Variants in KPNB1 observed in about 807,000 individuals in gnomAD.
The protein encoded by KPNB1 is karyopherin subunit beta 1, also known as importin subunit beta-1.
A neutral mutation model predicts 113.0 loss-of-function variants in KPNB1; 7 were observed. The observed-to-expected ratio is 0.06, with a 90% CI of 0.04 to 0.12. The LOEUF (loss-of-function observed/expected upper bound fraction) is 0.12. Ranked by LOEUF, KPNB1 falls within the 10% of genes least tolerant of loss-of-function variation. KPNB1 has a pLI of 1.00. For missense variants in KPNB1, 400 were observed against 1,054.8 expected (o/e 0.38, Z 8.60); for synonymous variants, 363 against 378.6 (o/e 0.96, Z 0.48).
intron 10 of KPNB1, among the ~76,000 whole-genome samples, chr17:47,669,432 G>C (rs1035097179): frequency 6.6e-6 from 1 of 152,138 alleles, no homozygotes; most frequent in Non-Finnish European, 1.5e-5. Context: ...GCCTCTATCT[G>C]AGTAATTTAT....
chr17:47,654,436 AATTAG>A (rs1489665681), intron 3 of KPNB1, among the ~76,000 whole-genome samples: 2 of 151,712 alleles, frequency 1.3e-5, no homozygotes, highest in African/African-American at 4.8e-5. Context: ...AAAAAAAAAA[AATTAG>A]ATAATTTGTA....
intron 9 of KPNB1, among the ~76,000 whole-genome samples, chr17:47,666,584 T>C (rs1040845229): frequency 1.4e-5 from 2 of 144,514 alleles, no homozygotes; most frequent in Non-Finnish European, 3.0e-5. Context: ...TTATATGTAC[T>C]ACATATTATA....
intron 2 of KPNB1, among the ~76,000 whole-genome samples, chr17:47,652,253 AAC>A (rs1210800243): frequency 8.5e-5 from 13 of 152,178 alleles, no homozygotes; most frequent in Admixed American, 2.6e-4. Context: ...AATTTAGATA[AAC>A]AGTTTTATTT....
rs1333201997 is a variant in KPNB1, at chr17:47,650,574, T to TC, written c.99+138dup. ...ATCCCGTCCCCCTCCCCCCTCCCCC[T>TC]CCCCCCCCAACCCGGTCCAACCTAA... On this transcript the variant is annotated intron_variant, in intron 2 of 21. Coordinates refer to ENST00000290158, the MANE Select transcript of KPNB1 (RefSeq NM_002265.6). The TC allele has an allele frequency of 7.9e-4, 395 of 502,822 alleles. 1 individual carries two copies. The highest frequency in any genetic ancestry group is 5.1e-3 in the Middle Eastern group (10 of 1,962). The allele number at this position is 502,822 out of a possible 1,614,324, so 31.1% of individuals were successfully genotyped here.
chr17:47,674,933 C>T, intron 15 of KPNB1, 151 bp downstream of exon 15: 2 of 707,350 alleles, frequency 2.8e-6, no homozygotes, highest in South Asian at 3.9e-5. Context: ...CCTTCCACTT[C>T]AGTGCCCCCA....
chr17:47,650,127 G>GC lies in KPNB1; in HGVS notation c.-112dup, dbSNP rs1224356493. 5.3e-4 allele frequency: 365 copies of GC among 690,644 alleles called. No homozygotes were observed. Among genetic ancestry groups the GC allele is most frequent in the South Asian group, 3.9e-3 (92 of 23,564 alleles). The allele number at this position is 690,644 out of a possible 1,614,324, so 42.8% of individuals were successfully genotyped here. On this transcript the variant is annotated 5_prime_UTR_variant, in exon 1 of 22. Coordinates refer to ENST00000290158, the MANE Select transcript of KPNB1 (RefSeq NM_002265.6). The stretch of plus-strand genomic sequence containing the variant: ...GGTGAATGGGTTTGTGGTGACCCCC[G>GC]CCCCCCACCCCACCCTCCCTTCCCA...
intron 3 of KPNB1, 53 bp from the exon 4 acceptor site, chr17:47,656,807 T>G: frequency 1.3e-6 from 2 of 1,563,902 alleles, no homozygotes; most frequent in South Asian, 2.2e-5. Context: ...GTGGGCAAAA[T>G]GTGGTCAAAT....
chr17:47,657,087 T>G, intron 4 of KPNB1, 27 bp downstream of exon 4: 1 of 1,585,424 alleles, frequency 6.3e-7, no homozygotes, highest in Non-Finnish European at 8.6e-7. Flanking sequence ...TGTATCTGGT[T>G]TATATACCTC....
intron 3 of KPNB1, among the ~76,000 whole-genome samples, chr17:47,653,265 CAG>C (rs1432642370): frequency 7.7e-6 from 1 of 130,116 alleles, no homozygotes; most frequent in African/African-American, 3.0e-5. Flanking sequence ...GAGTACAGCT[CAG>C]GGAATTTTTT....
intron 12 of KPNB1, among the ~76,000 whole-genome samples, chr17:47,672,758 T>C (rs534704520): frequency 1.3e-5 from 2 of 152,352 alleles, no homozygotes; most frequent in East Asian, 3.9e-4. Flanking sequence ...TTTTTTACCA[T>C]TTCAAACCAT....
chr17:47,656,762 A>G lies in KPNB1; in HGVS notation c.283-98A>G, dbSNP rs1476357660. 4.9e-6 allele frequency: 6 copies of G among 1,236,098 alleles called. No homozygotes were observed. In the African/African-American group the frequency reaches 9.0e-5, roughly 19 times the overall value. The allele number at this position is 1,236,098 out of a possible 1,614,324, so 76.6% of individuals were successfully genotyped here. ...GACCCTGTCTTAAGAAAGAAAGAAA[A>G]AAAAGAATTCAGAGACACTAATATA... On this transcript the variant is annotated intron_variant, in intron 3 of 21. Coordinates refer to ENST00000290158, the MANE Select transcript of KPNB1 (RefSeq NM_002265.6).
chr17:47,661,600 A>G (rs562965222), intron 6 of KPNB1, among the ~76,000 whole-genome samples: 1 of 152,076 alleles, frequency 6.6e-6, no homozygotes, highest in Non-Finnish European at 1.5e-5. Flanking sequence ...AATAATGATA[A>G]TTAATAAAAA....
In KPNB1 at chr17:47,652,810, C is replaced by A; in HGVS notation, c.216C>A (p.Ile72=). The A allele has an allele frequency of 1.2e-6, 2 of 1,612,126 alleles. No homozygotes were observed. Among genetic ancestry groups the A allele is most frequent in the Non-Finnish European group, 1.7e-6 (2 of 1,179,448 alleles). Residue 72 remains isoleucine (I), a synonymous_variant, in exon 3 of 22, where the codon ATC becomes ATA. Coordinates refer to ENST00000290158, the MANE Select transcript of KPNB1 (RefSeq NM_002265.6). ...CTTTGACATCTAAAGATCCAGATAT[C>A]AAGGCACAATATCAGCAGAGGTGGC... ...KNSLTSKDPD[I]KAQYQQRWLA...
At position 47,675,385 on chromosome 17, in the gene KPNB1, G is replaced by GTTTTTTT. The variant is rs1462077639; in HGVS notation, c.1912+606_1912+607insTTTTTTT. Reference sequence around the variant, plus strand: ...TGTTTTTTTTTTGTTTTTTTTTTTTGTTTGTTTTTTTTTTGAGACTTGTTC... The same window carrying GTTTTTTT: ...TGTTTTTTTTTTGTTTTTTTTTTTTGTTTTTTTTTTGTTTTTTTTTTGAGACTTGTTC... On this transcript the variant is annotated intron_variant, in intron 15 of 21. Transcript: ENST00000290158. Among the ~76,000 whole-genome samples, 3 of 82,108 alleles carry GTTTTTTT rather than the reference G, an allele frequency of 3.7e-5. 1 individual carries two copies. The highest frequency in any genetic ancestry group is 5.7e-5 in the African/African-American group (1 of 17,476). 53.9% of individuals were successfully genotyped at this position (82,108 alleles called of 152,430 possible). A position where few individuals can be genotyped will look rare whatever the true frequency, so the allele number is the denominator to read the frequency against.
Position 47,650,423 on chromosome 17 carries a change from G to A in KPNB1, c.78G>A (p.Glu26=). The A allele has an allele frequency of 6.2e-7, 1 of 1,608,172 alleles. No homozygotes were observed. Among genetic ancestry groups the A allele is most frequent in the Non-Finnish European group, 8.5e-7 (1 of 1,178,356 alleles). ...TGGAAGCGGCGCAGAAGTTCCTGGA[G>A]CGTGCGGCCGTGGAGAACCTGGTGC... ...LELEAAQKFL[E]RAAVENLPTF... The change falls in exon 2 of 22, where the codon GAG becomes GAA. Residue 26 remains glutamate, a synonymous_variant. Transcript: ENST00000290158.
chr17:47,684,649 A>T lies in KPNB1; in HGVS notation c.*2245A>T, dbSNP rs1367533944. On this transcript the variant is annotated 3_prime_UTR_variant, in exon 22 of 22. Coordinates refer to ENST00000290158, the MANE Select transcript of KPNB1 (RefSeq NM_002265.6). ...GCTAGACAGCAGGAGAATAAAGTAC[A>T]CCGAGAACCATAATGAAAAAACCTT... The T allele has an allele frequency of 6.6e-6, 1 of 152,558 alleles. No individual in the cohort carries two copies. The highest frequency in any genetic ancestry group is 1.9e-4 in the East Asian group (1 of 5,196). The allele number at this position is 152,558 out of a possible 1,614,324, so 9.5% of individuals were successfully genotyped here.
At chr17:47,663,676 G>C (rs1029209869) in intron 7 of KPNB1, among the ~76,000 whole-genome samples, 1 of 151,196 alleles carries the variant, frequency 6.6e-6, no homozygotes, top group African/African-American at 2.4e-5. Flanking sequence ...AAAGAAAAAA[G>C]AAACAACCTG....
chr17:47,676,870 C>T (rs1162041031), intron 16 of KPNB1, 150 bp from the exon 17 acceptor site: 1 of 568,586 alleles, frequency 1.8e-6, no homozygotes, highest in Non-Finnish European at 3.1e-6. Flanking sequence ...TTGTTCCCTG[C>T]CTGCCATGTT....
chr17:47,664,551 G>C (rs183448117), intron 8 of KPNB1, among the ~76,000 whole-genome samples: 1 of 152,248 alleles, frequency 6.6e-6, no homozygotes, highest in Non-Finnish European at 1.5e-5. Context: ...CCAAGGTGAT[G>C]CCTGATGCTG....
Sources: gnomAD v4.1 joint callset for allele counts (sites outside exome capture counted in the v4.1 genomes callset) on GRCh38, gnomAD v4.1.1 for gene constraint, MANE v1.5 for transcripts, NCBI Gene and HGNC (gene_info 2026-07-23, HGNC 2026-07-21) for gene names.